The following ARMCX4 variants were observed in gnomAD, a reference collection of about 807,000 sequenced individuals.
ARMCX4 encodes the protein armadillo repeat-containing X-linked protein 4.
A neutral mutation model predicts 34.7 loss-of-function variants in ARMCX4; 3 were observed. The ratio of observed to expected loss-of-function variants is 0.09; its 90% confidence interval spans 0.04 to 0.22. ARMCX4 has a LOEUF of 0.22. Among genes scored for constraint, ARMCX4 ranks in the 10% least tolerant of loss-of-function variants. The pLI is 1.00. For missense variants in ARMCX4, 1,448 were observed against 1,720.8 expected (o/e 0.84, Z 2.81); for synonymous variants, 513 against 632.8 (o/e 0.81, Z 2.84).
At chrX:101,516,961 T>C (rs1254870005) in intron 11 of ARMCX4, 1 of 112,101 alleles carries the variant, frequency 8.9e-6, no homozygotes, top group Non-Finnish European at 1.9e-5. Flanking sequence ...ACAACTGTCT[T>C]CATAAATTCT....
At chrX:101,480,875 C>G (rs1933415903), upstream of ARMCX4, among the ~76,000 whole-genome samples, 2 of 112,044 alleles carry the variant, frequency 1.8e-5, no homozygotes, top group African/African-American at 6.5e-5. Flanking sequence ...GTGATCCCAG[C>G]ATTTTGGGAG....
chrX:101,451,164 A>C (rs782552072), downstream of ARMCX4, among the ~76,000 whole-genome samples: 33 of 110,892 alleles, frequency 3.0e-4, no homozygotes, highest in Non-Finnish European at 5.3e-4. Flanking sequence ...TTTGGCCTAG[A>C]CTGTCTTTCA....
chrX:101,493,555 G>C lies in ARMCX4; in HGVS notation c.4966G>C (p.Asp1656His). 1 of 1,155,040 alleles carries C rather than the reference G, an allele frequency of 8.7e-7. No homozygotes were observed. The highest frequency in any genetic ancestry group is 1.1e-6 in the Non-Finnish European group (1 of 872,513). Residue 1656 changes from aspartate to histidine, a missense_variant, in exon 6 of 6, where the codon GAC becomes CAC. Asp to His is a moderately conservative substitution (Grantham distance 81, BLOSUM62 -1). This residue lies in a region of ARMCX4 where 1,343 missense variants were observed against 1,540.7 expected (regional missense o/e 0.87). Transcript: ENST00000423738. The stretch of plus-strand genomic sequence containing the variant: ...GATTGGGCCTGGGGATCAGGCTGTT[G>C]ACTGTTCCAAGCCTGAATTTGAGGA... ...SWIGPGDQAV[D>H]CSKPEFEDQA...
intron 4 of ARMCX4, among the ~76,000 whole-genome samples, chrX:101,462,739 G>A (rs1334892085): frequency 2.7e-5 from 3 of 110,985 alleles, no homozygotes; most frequent in African/African-American, 9.8e-5. Flanking sequence ...TATGTGTACA[G>A]TATACTGGTT....
At chrX:101,438,935 C>T (rs1321234283) in intron 2 of ARMCX4, among the ~76,000 whole-genome samples, 1 of 111,912 alleles carries the variant, frequency 8.9e-6, no homozygotes, top group African/African-American at 3.3e-5. Flanking sequence ...ATTTGCCAGT[C>T]TGTATCTTTT....
intron 7 of ARMCX4, among the ~76,000 whole-genome samples, chrX:101,503,433 C>T (rs1934357958): frequency 9.0e-6 from 1 of 111,577 alleles, no homozygotes; most frequent in African/African-American, 3.3e-5. Flanking sequence ...TTCTCTACAT[C>T]CTCTCCAGCA....
At chrX:101,528,030 A>C (rs1041461842) in intron 11 of ARMCX4, among the ~76,000 whole-genome samples, 4 of 111,687 alleles carry the variant, frequency 3.6e-5, no homozygotes, top group African/African-American at 9.8e-5. Context: ...CACACACACA[A>C]AAAAGAGAAT....
Position 101,490,248 on chromosome X carries a change from G to A in ARMCX4, c.1659G>A (p.Gly553=), listed in dbSNP as rs1933918478. Residue 553 remains glycine, a synonymous_variant, in exon 6 of 6, where the codon GGG becomes GGA. Transcript: ENST00000423738. ...AAACCTGTACACAACCTCAGGCTGGGGTCAAGACCCCAGCTGAGGCCTTGC... is the reference window on the plus strand; with the variant it reads ...AAACCTGTACACAACCTCAGGCTGGAGTCAAGACCCCAGCTGAGGCCTTGC... ...DMKTCTQPQA[G]VKTPAEALLD... 8.7e-7 allele frequency: 1 copy of A among 1,155,160 alleles called. No individual in the cohort carries two copies. The highest frequency in any genetic ancestry group is 3.3e-5 in the East Asian group (1 of 30,722).
intron 2 of ARMCX4, among the ~76,000 whole-genome samples, chrX:101,437,830 A>T (rs1303265477): frequency 1.8e-5 from 2 of 111,844 alleles, no homozygotes; most frequent in African/African-American, 6.5e-5. Context: ...TGTCCCAGAG[A>T]TGCTGATATG....
Position 101,472,903 on chromosome X carries a change from C to T in ARMCX4, c.-472-13120C>T, listed in dbSNP as rs1206532019. Among the ~76,000 whole-genome samples the T allele has an allele frequency of 4.0e-5, 4 of 100,617 alleles. No individual in the cohort carries two copies. The East Asian group carries it at 9.7e-4, about 25-fold the overall frequency. 87.4% of individuals were successfully genotyped at this position (100,617 alleles called of 115,157 possible). A position where few individuals can be genotyped will look rare whatever the true frequency, so the allele number is the denominator to read the frequency against. On this transcript the variant is annotated intron_variant and NMD_transcript_variant, in intron 4 of 15. Coordinates refer to the ARMCX4 transcript ENST00000433011. ...ACTAGGAAGAAACTGCATCAACTAACGAGCAAAATCACCAGCTAACATCAT... is the reference window on the plus strand; with the variant it reads ...ACTAGGAAGAAACTGCATCAACTAATGAGCAAAATCACCAGCTAACATCAT...
chrX:101,526,023 C>G (rs1372112648), intron 11 of ARMCX4, among the ~76,000 whole-genome samples: 3 of 110,773 alleles, frequency 2.7e-5, no homozygotes, highest in Non-Finnish European at 5.7e-5. Flanking sequence ...CCCCAAGACA[C>G]ATAATTGTCA....
intron 2 of ARMCX4, among the ~76,000 whole-genome samples, chrX:101,434,332 C>T (rs975201000): frequency 9.4e-6 from 1 of 106,715 alleles, no homozygotes; most frequent in Non-Finnish European, 1.9e-5. Flanking sequence ...CTGCTCATTG[C>T]AACCTCCGCC....
intron 8 of ARMCX4, among the ~76,000 whole-genome samples, chrX:101,507,807 T>G (rs896599460): frequency 2.2e-4 from 25 of 112,042 alleles, no homozygotes; most frequent in African/African-American, 8.1e-4. Context: ...AAAAATTTAC[T>G]TTTCAAATCA....
chrX:101,508,430 C>T lies in ARMCX4; in HGVS notation c.*1597-934C>T, dbSNP rs782757935. On this transcript the variant is annotated intron_variant and NMD_transcript_variant, in intron 8 of 12. Transcript: ENST00000354842. ...GTATATGGCCACCTTCTTGTTGTGT[C>T]GTCACATGGCCTTTTCTCTGTGTGG... 9.9e-5 allele frequency among the ~76,000 whole-genome samples: 11 copies of T among 111,330 alleles called. No individual in the cohort carries two copies. The South Asian group carries it at 3.9e-3, about 39-fold the overall frequency.
At chrX:101,486,292 TGCTTTTA>T (rs200338265) in intron 2 of ARMCX4, among the ~76,000 whole-genome samples, 200 bp downstream of exon 2, 4,566 of 111,291 alleles carry the variant, frequency 0.041, 78 homozygotes, top group Middle Eastern at 0.062. Flanking sequence ...TTTCTACAGA[TGCTTTTA>T]TTTGCATTTC....
intron 3 of ARMCX4, chrX:101,444,285 G>T (rs1931492368): frequency 2.0e-5 from 3 of 150,216 alleles, no homozygotes; most frequent in Non-Finnish European, 3.8e-5. Context: ...AACTTTAATT[G>T]GGCTCATCTG....
downstream of ARMCX4, chrX:101,499,203 A>G: frequency 8.9e-6 from 1 of 111,742 alleles, no homozygotes; most frequent in Non-Finnish European, 1.9e-5. Flanking sequence ...GCTTTCCCAG[A>G]ATACAGGATT....
downstream of ARMCX4, among the ~76,000 whole-genome samples, chrX:101,449,334 A>G (rs1396669266): frequency 8.9e-6 from 1 of 112,430 alleles, no homozygotes; most frequent in African/African-American, 3.2e-5. Flanking sequence ...GTTAAGGTCA[A>G]TAACAGATTT....
At chrX:101,452,796 T>A (rs1825841524), downstream of ARMCX4, among the ~76,000 whole-genome samples, 2 of 109,910 alleles carry the variant, frequency 1.8e-5, no homozygotes, top group Admixed American at 2.0e-4. Flanking sequence ...CCTTAAGGGA[T>A]CTACCCACCT....
Sources: allele counts gnomAD v4.1 joint callset (sites outside exome capture counted in the v4.1 genomes callset), GRCh38; gene constraint gnomAD v4.1.1; regional missense constraint gnomAD v4.1.1; transcripts MANE v1.5; gene names NCBI Gene and HGNC (gene_info 2026-07-23, HGNC 2026-07-21).